The following SPTA1 variants were observed in gnomAD, a reference collection of about 807,000 sequenced individuals.
SPTA1 encodes the protein spectrin alpha chain, erythrocytic 1.
In SPTA1, 177 loss-of-function variants were observed where a neutral mutation model predicts 324.7. That is an observed-to-expected ratio of 0.55 (90% CI 0.48 to 0.62). The LOEUF (loss-of-function observed/expected upper bound fraction) is 0.62. Ranked by LOEUF, SPTA1 falls within the 20% of genes least tolerant of loss-of-function variation. The pLI is 0.00. For synonymous variants in SPTA1, 1,195 were observed against 1,041.3 expected (o/e 1.15, Z -2.84); for missense variants, 3,162 against 2,883.6 (o/e 1.10, Z -2.21).
In SPTA1 at chr1:158,611,254, G is replaced by T; in HGVS notation, c.*10C>A. The T allele has an allele frequency of 1.2e-6, 2 of 1,613,334 alleles. No individual in the cohort carries two copies. The highest frequency in any genetic ancestry group is 2.2e-5 in the South Asian group (2 of 91,062). Reference sequence around the variant, plus strand: ...ACTAAGATTTTCTACGATCCACGAGGAGCTGCTTATTAGTTGCCAAAGTAG... The same window carrying T: ...ACTAAGATTTTCTACGATCCACGAGTAGCTGCTTATTAGTTGCCAAAGTAG... On this transcript the variant is annotated 3_prime_UTR_variant, in exon 52 of 52. Coordinates refer to ENST00000643759, the MANE Select transcript of SPTA1 (RefSeq NM_003126.4).
intron 5 of SPTA1, among the ~76,000 whole-genome samples, chr1:158,680,316 T>C (rs1654708592): frequency 6.6e-6 from 1 of 152,114 alleles, no homozygotes; most frequent in Non-Finnish European, 1.5e-5. Flanking sequence ...TAAATGGCAA[T>C]AGCTTCACTG....
intron 33 of SPTA1, among the ~76,000 whole-genome samples, chr1:158,640,820 T>C (rs965777122): frequency 2.6e-5 from 4 of 152,136 alleles, no homozygotes; most frequent in African/African-American, 7.2e-5. Context: ...TTAAAGTTCA[T>C]ATGGAACCAA....
intron 49 of SPTA1, 135 bp from the exon 50 acceptor site, chr1:158,614,002 A>C (rs1423411746): frequency 9.7e-7 from 1 of 1,035,412 alleles, no homozygotes. Context: ...ACTGAATACA[A>C]AGCCTGTCTG....
At chr1:158,656,908 A>G (rs1324239611) in intron 19 of SPTA1, among the ~76,000 whole-genome samples, 2 of 152,252 alleles carry the variant, frequency 1.3e-5, no homozygotes, top group African/African-American at 4.8e-5. Flanking sequence ...CACAGATTAT[A>G]GCTGAAAAGA....
At chr1:158,643,207 G>C (rs1315900808) in intron 31 of SPTA1, 115 bp downstream of exon 31, 1 of 1,313,924 alleles carries the variant, frequency 7.6e-7, no homozygotes, top group East Asian at 2.4e-5. Flanking sequence ...TGTCAAGATA[G>C]TTTTAGTCAC....
At chr1:158,616,072 G>A (rs950651999) in intron 47 of SPTA1, among the ~76,000 whole-genome samples, 2 of 152,124 alleles carry the variant, frequency 1.3e-5, no homozygotes, top group African/African-American at 4.8e-5. Context: ...GACAAAGCTT[G>A]TAGCCTTTCA....
At chr1:158,629,342 C>G (rs763293130) in intron 39 of SPTA1, among the ~76,000 whole-genome samples, 2 of 151,832 alleles carry the variant, frequency 1.3e-5, no homozygotes, top group Non-Finnish European at 2.9e-5. Context: ...ATACCACAAA[C>G]AAGCAGAATT....
chr1:158,636,811 C>G (rs1232346171), intron 36 of SPTA1, 50 bp from the exon 37 acceptor site: 1 of 1,611,172 alleles, frequency 6.2e-7, no homozygotes, highest in East Asian at 2.2e-5. Context: ...CATCTAATGT[C>G]ATCCTACAGC....
Position 158,620,182 on chromosome 1 carries a change from A to C in SPTA1, c.6405T>G (p.Ser2135=), listed in dbSNP as rs1269273204. 1.2e-6 allele frequency: 2 copies of C among 1,614,070 alleles called. No homozygotes were observed. The highest frequency in any genetic ancestry group is 3.3e-5 in the Admixed American group (2 of 60,004). ...TGTTCCAGGTTACCTCAATGATGTC[A>C]GATAGGTGCTTCCAGGTCCTTTCCA... ...EVLERTWKHL[S]DIIEEREQEL... The change falls in exon 44 of 52, where the codon TCT becomes TCG. Residue 2135 remains serine (S), a synonymous_variant. Coordinates refer to ENST00000643759, the MANE Select transcript of SPTA1 (RefSeq NM_003126.4).
At chr1:158,639,839 T>C (rs1460613550) in intron 34 of SPTA1, 31 bp downstream of exon 34, 7 of 1,613,792 alleles carry the variant, frequency 4.3e-6, no homozygotes, top group Non-Finnish European at 5.9e-6. Context: ...TATTAAACTC[T>C]TGTGTCTCTA....
In SPTA1 at chr1:158,677,393, A is replaced by C. The variant is rs557840603; in HGVS notation, c.957+297T>G. Among the ~76,000 whole-genome samples the C allele has an allele frequency of 5.3e-5, 8 of 152,314 alleles. No individual in the cohort carries two copies. In the East Asian group the frequency reaches 1.5e-3, roughly 29 times the overall value. ...TTTTACTCAGTGAGATTAGGAATCA[A>C]CCTTGAAGGTATATTTGTTTTGTTT... is the stretch of plus-strand genomic sequence containing the variant. On this transcript the variant is annotated intron_variant, in intron 7 of 51. Coordinates refer to ENST00000643759, the MANE Select transcript of SPTA1 (RefSeq NM_003126.4).
chr1:158,674,509 C>G, intron 9 of SPTA1, 31 bp downstream of exon 9: 4 of 1,614,096 alleles, frequency 2.5e-6, no homozygotes, highest in Non-Finnish European at 3.4e-6. Flanking sequence ...AACCTGCCCC[C>G]TCCTCCTACT....
chr1:158,620,641 G>A (rs1649848041), intron 43 of SPTA1, 175 bp from the exon 44 acceptor site: 2 of 705,806 alleles, frequency 2.8e-6, no homozygotes, highest in South Asian at 4.0e-5. Flanking sequence ...ATGTGAGTTA[G>A]CGGTACGAGC....
intron 33 of SPTA1, among the ~76,000 whole-genome samples, chr1:158,641,945 T>C (rs1157258770): frequency 3.3e-5 from 5 of 152,136 alleles, no homozygotes; most frequent in Admixed American, 2.6e-4. Flanking sequence ...ATTAAGAAAA[T>C]GTGGCACATA....
intron 6 of SPTA1, 85 bp from the exon 7 acceptor site, chr1:158,677,919 A>G: frequency 6.5e-7 from 1 of 1,544,476 alleles, no homozygotes; most frequent in Non-Finnish European, 8.9e-7. Flanking sequence ...AGCAAGGACC[A>G]TCCTAGTTGA....
chr1:158,617,505 A>G lies in SPTA1; in HGVS notation c.6600+32T>C, dbSNP rs148557759. ...TTTTACACTCCTTATAATTTTGGCA[A>G]TATCTTCAGTTAATGAAAAAACAAT... is the stretch of plus-strand genomic sequence containing the variant. On this transcript the variant is annotated intron_variant, in intron 47 of 51. Coordinates refer to ENST00000643759, the MANE Select transcript of SPTA1 (RefSeq NM_003126.4). The G allele has an allele frequency of 2.4e-4, 387 of 1,593,550 alleles. 1 individual carries two copies. In the African/African-American group the frequency reaches 4.7e-3, roughly 19 times the overall value.
chr1:158,656,787 T>A (rs1373356917), intron 19 of SPTA1, 131 bp from the exon 20 acceptor site: 3 of 765,526 alleles, frequency 3.9e-6, no homozygotes, highest in Non-Finnish European at 6.6e-6. Flanking sequence ...CATAAAGTTA[T>A]TTTTAACCCT....
chr1:158,646,259 A>G (rs1651991743), intron 27 of SPTA1, among the ~76,000 whole-genome samples: 1 of 152,196 alleles, frequency 6.6e-6, no homozygotes, highest in Non-Finnish European at 1.5e-5. Flanking sequence ...ACTTTAAAGC[A>G]TATATGGTGT....
At position 158,642,402 on chromosome 1, in the gene SPTA1, G is replaced by A; in HGVS notation, c.4737+9C>T. On this transcript the variant is annotated intron_variant, in intron 33 of 51. Transcript: ENST00000643759. The stretch of plus-strand genomic sequence containing the variant: ...GACTTTGTAGCCCAAAACTCATCCT[G>A]AGCTTTACCTTCATGGCCTCTTCAT... 2.5e-6 allele frequency: 4 copies of A among 1,612,754 alleles called. No homozygotes were observed. The highest frequency in any genetic ancestry group is 3.4e-6 in the Non-Finnish European group (4 of 1,179,244).
Sources: gnomAD v4.1 joint callset for allele counts (sites outside exome capture counted in the v4.1 genomes callset) on GRCh38, gnomAD v4.1.1 for gene constraint, MANE v1.5 for transcripts, NCBI Gene and HGNC (gene_info 2026-07-23, HGNC 2026-07-21) for gene names.